ZNF385D: variants seen among roughly 807,000 people sequenced by gnomAD.
The protein encoded by ZNF385D is zinc finger protein 659.
A neutral mutation model predicts 35.8 loss-of-function variants in ZNF385D; 15 were observed. The observed-to-expected ratio is 0.42, with a 90% CI of 0.28 to 0.64. The LOEUF is 0.64. ZNF385D is among the 30% of genes least tolerant of loss of function. The pLI, the probability that ZNF385D is intolerant of heterozygous loss-of-function variation, is 0.23. For synonymous variants in ZNF385D, 212 were observed against 186.8 expected, an observed-to-expected ratio of 1.13 and a Z score of -1.10; for missense variants, 474 against 494.6, an observed-to-expected ratio of 0.96 and a Z score of 0.39.
chr3:21,583,976 T>TTATTTATTTATG (rs2063740338), intron 2 of ZNF385D, among the ~76,000 whole-genome samples: 1 of 150,612 alleles, frequency 6.6e-6, no homozygotes, highest in Non-Finnish European at 1.5e-5. Flanking sequence ...ATTTATTTAT[T>TTATTTATTTATG]TATTTATTTA....
intron 2 of ZNF385D, among the ~76,000 whole-genome samples, chr3:21,610,616 A>C (rs143403478): frequency 0.015 from 2,184 of 144,462 alleles, 40 homozygotes; most frequent in Non-Finnish European, 0.019. Context: ...TAAACATACA[A>C]AAAAAAAAAT....
chr3:21,758,993 A>G (rs1186908010), intron 3 of ZNF385D, among the ~76,000 whole-genome samples: 1 of 148,084 alleles, frequency 6.8e-6, no homozygotes, highest in African/African-American at 2.5e-5. Flanking sequence ...AAAAAAAAAA[A>G]AAAAAAAAAA....
intron 2 of ZNF385D, among the ~76,000 whole-genome samples, chr3:22,216,044 G>A (rs1000010191): frequency 1.3e-5 from 2 of 151,984 alleles, no homozygotes; most frequent in African/African-American, 4.8e-5. Context: ...CATAGTCTGT[G>A]TTCCCAGGCA....
intron 3 of ZNF385D, among the ~76,000 whole-genome samples, chr3:21,542,403 G>A (rs1031954881): frequency 2.0e-5 from 3 of 150,532 alleles, no homozygotes; most frequent in Non-Finnish European, 4.4e-5. Context: ...GCTGGAGAGC[G>A]GTGGTGTGAT....
chr3:22,252,734 A>G (rs1700125691), intron 2 of ZNF385D, among the ~76,000 whole-genome samples: 1 of 152,096 alleles, frequency 6.6e-6, no homozygotes, highest in South Asian at 2.1e-4. Context: ...AAAGAGCATG[A>G]CATAAAAAAG....
intron 3 of ZNF385D, among the ~76,000 whole-genome samples, chr3:21,953,256 A>G (rs1358732650): frequency 7.1e-6 from 1 of 139,964 alleles, no homozygotes; most frequent in East Asian, 2.2e-4. Context: ...GAGGCTCAGA[A>G]TAAAACTTTT....
At chr3:21,705,350 G>T (rs1451962207) in intron 1 of ZNF385D, among the ~76,000 whole-genome samples, 1 of 152,138 alleles carries the variant, frequency 6.6e-6, no homozygotes, top group Non-Finnish European at 1.5e-5. Flanking sequence ...TCTTGGTACA[G>T]ATTAAGAAAG....
chr3:21,473,274 C>T (rs1430927222), intron 4 of ZNF385D, among the ~76,000 whole-genome samples: 1 of 152,018 alleles, frequency 6.6e-6, no homozygotes, highest in Non-Finnish European at 1.5e-5. Flanking sequence ...TGGTCTGGCT[C>T]AGCACCCATG....
chr3:22,091,513 T>A (rs1701329066), intron 3 of ZNF385D, among the ~76,000 whole-genome samples: 3 of 152,108 alleles, frequency 2.0e-5, no homozygotes, highest in Non-Finnish European at 2.9e-5. Flanking sequence ...TCTTCGGCAG[T>A]GTCCACTGAA....
chr3:21,981,159 G>A (rs879676832), intron 3 of ZNF385D, among the ~76,000 whole-genome samples: 2 of 152,024 alleles, frequency 1.3e-5, no homozygotes, highest in Non-Finnish European at 2.9e-5. Context: ...TTCCACAATG[G>A]TTGAAGTAAT....
chr3:21,814,136 G>A (rs150218399), intron 3 of ZNF385D, among the ~76,000 whole-genome samples: 11,760 of 152,182 alleles, frequency 0.077, 621 homozygotes, highest in South Asian at 0.13. Flanking sequence ...ATCCTTTACA[G>A]ACAAGCAAAT....
At chr3:21,903,512 T>A (rs957407632) in intron 3 of ZNF385D, among the ~76,000 whole-genome samples, 65 of 152,280 alleles carry the variant, frequency 4.3e-4, no homozygotes, top group African/African-American at 1.5e-3. Flanking sequence ...ACAAGTATTG[T>A]ATGAAAATCA....
At chr3:22,028,440 G>T (rs1299370379) in intron 3 of ZNF385D, among the ~76,000 whole-genome samples, 2 of 152,168 alleles carry the variant, frequency 1.3e-5, no homozygotes, top group African/African-American at 4.8e-5. Flanking sequence ...GCCACTGCTG[G>T]ATGCCCGATT....
At chr3:21,986,480 G>A (rs1405951894) in intron 3 of ZNF385D, among the ~76,000 whole-genome samples, 1 of 122,530 alleles carries the variant, frequency 8.2e-6, no homozygotes, top group East Asian at 2.0e-4. Context: ...GAGCAGCTTT[G>A]AGTGAGATTC....
chr3:21,623,625 A>C (rs2065062869), intron 2 of ZNF385D, among the ~76,000 whole-genome samples: 2 of 152,096 alleles, frequency 1.3e-5, no homozygotes, highest in African/African-American at 4.8e-5. Context: ...TCACCACTGC[A>C]TTCCAGTCTG....
intron 2 of ZNF385D, among the ~76,000 whole-genome samples, chr3:22,191,082 T>TA (rs552636580): frequency 2.2e-4 from 33 of 152,250 alleles, no homozygotes; most frequent in African/African-American, 7.5e-4. Flanking sequence ...GAATTATTTT[T>TA]AAAAAAATAA....
At chr3:22,266,289 A>G (rs992275181) in intron 2 of ZNF385D, among the ~76,000 whole-genome samples, 1 of 151,948 alleles carries the variant, frequency 6.6e-6, no homozygotes, top group Non-Finnish European at 1.5e-5. Context: ...GTAGAAAACA[A>G]TATAGCAAGA....
intron 3 of ZNF385D, among the ~76,000 whole-genome samples, chr3:22,018,100 C>A (rs997465773): frequency 6.6e-6 from 1 of 151,632 alleles, no homozygotes; most frequent in African/African-American, 2.4e-5. Context: ...AAGAATTGGA[C>A]TGTCAGTCAA....
rs184411943 is a variant in ZNF385D, at chr3:22,211,149, C to T, written c.107-42114G>A. 4.3e-4 allele frequency among the ~76,000 whole-genome samples: 66 copies of T among 151,888 alleles called. No homozygotes were observed. In the East Asian group the frequency reaches 0.012, roughly 29 times the overall value. On this transcript the variant is annotated intron_variant, in intron 2 of 5. Transcript: ENST00000494108. ...TGTTTGCAAAGTTATTCCTCAAGCT[C>T]AGGAGATTATAAATTTCTCAAAAGT... is the stretch of plus-strand genomic sequence containing the variant.
Sources: allele counts gnomAD v4.1 joint callset (sites outside exome capture counted in the v4.1 genomes callset), GRCh38; gene constraint gnomAD v4.1.1; transcripts MANE v1.5; gene names NCBI Gene and HGNC (gene_info 2026-07-23, HGNC 2026-07-21).